DRD2: variants seen among roughly 807,000 people sequenced by gnomAD.
DRD2 encodes dopamine receptor D2.
Under a neutral mutation model 38.0 loss-of-function variants are expected in DRD2, and 8 were observed. That is an observed-to-expected ratio of 0.21 (90% confidence interval 0.12 to 0.38). The LOEUF (loss-of-function observed/expected upper bound fraction) is 0.38, where lower values mean the gene tolerates loss of function less well. Among genes scored for constraint, DRD2 ranks in the 10% least tolerant of loss-of-function variants. The pLI, the probability that DRD2 is intolerant of heterozygous loss-of-function variation, is 1.00. For missense variants in DRD2, 403 were observed against 607.7 expected, an observed-to-expected ratio of 0.66 and a Z score of 3.54; for synonymous variants, 230 against 238.6, an observed-to-expected ratio of 0.96 and a Z score of 0.33.
rs201424743 is a variant in DRD2 at position 113,424,573 on chromosome 11, C to T, written c.79G>A (p.Gly27Arg). ...TTGTAGTGGGGTCTGTCCGCCTTCC[C>T]GTCTGACCCGTTGAAGGGCCGGCTC... ...NWSRPFNGSD[G>R]KADRPHYNYY... The change falls in exon 2 of 8, where the codon GGG becomes AGG. Residue 27 changes from glycine (G) to arginine (R), a missense_variant. Gly to Arg is a moderately radical substitution (Grantham distance 125, BLOSUM62 -2). Coordinates refer to ENST00000362072, the MANE Select transcript of DRD2 (RefSeq NM_000795.4). 4.6e-5 allele frequency: 74 copies of T among 1,614,090 alleles called. No homozygotes were observed. Among genetic ancestry groups the T allele is most frequent in the Non-Finnish European group, 5.9e-5 (70 of 1,180,040 alleles).
intron 1 of DRD2, among the ~76,000 whole-genome samples, chr11:113,440,880 A>T (rs1366428869): frequency 6.6e-6 from 1 of 152,236 alleles, no homozygotes; most frequent in East Asian, 1.9e-4. Context: ...CCTGGGACAC[A>T]GATGAGCTAA....
rs199514519 is a variant in DRD2 at position 113,410,913 on chromosome 11, G to A, written c.1146C>T (p.Phe382=). 30 of 1,610,306 alleles carry A rather than the reference G, an allele frequency of 1.9e-5. No homozygotes were observed. In the African/African-American group the frequency reaches 3.9e-4, roughly 21 times the overall value. Residue 382 remains phenylalanine, a synonymous_variant, in exon 8 of 8, where the codon TTC becomes TTT. Coordinates refer to ENST00000362072, the MANE Select transcript of DRD2 (RefSeq NM_000795.4). ...TGAAGAAGGGCAGCCAGCAGATGAT[G>A]AACACGCCTGGGGGAGAGGGCATGG... ...TQMLAIVLGV[F]IICWLPFFIT...
intron 1 of DRD2, among the ~76,000 whole-genome samples, chr11:113,455,171 AC>A (rs1364374847): frequency 6.6e-6 from 1 of 151,830 alleles, no homozygotes; most frequent in Non-Finnish European, 1.5e-5. Flanking sequence ...ACATGGTGAG[AC>A]CCCGTCTCTA....
chr11:113,452,485 C>T (rs1360155265), intron 1 of DRD2, among the ~76,000 whole-genome samples: 13 of 124,750 alleles, frequency 1.0e-4, no homozygotes, highest in African/African-American at 1.9e-4. Context: ...CGCGCGCGCG[C>T]GCACATTGGG....
intron 1 of DRD2, among the ~76,000 whole-genome samples, chr11:113,456,504 T>C (rs1423045248): frequency 3.3e-5 from 5 of 152,068 alleles, no homozygotes; most frequent in Non-Finnish European, 7.3e-5. Flanking sequence ...CATACATGTA[T>C]TGAAGCATTA....
intron 1 of DRD2, among the ~76,000 whole-genome samples, chr11:113,461,802 T>C (rs551536893): frequency 2.0e-5 from 3 of 152,326 alleles, no homozygotes; most frequent in African/African-American, 7.2e-5. Context: ...TATGACTATA[T>C]AAAGCACTTA....
chr11:113,417,694 G>C (rs1950840433), intron 3 of DRD2, among the ~76,000 whole-genome samples: 1 of 152,204 alleles, frequency 6.6e-6, no homozygotes, highest in Non-Finnish European at 1.5e-5. Context: ...TGAGAGCTCT[G>C]AAAACGTCCA....
At chr11:113,430,641 G>A (rs973696437) in intron 1 of DRD2, among the ~76,000 whole-genome samples, 3 of 152,162 alleles carry the variant, frequency 2.0e-5, no homozygotes, top group African/African-American at 7.2e-5. Flanking sequence ...CAGATTGTTG[G>A]GCTCCAAGGG....
chr11:113,471,923 G>T (rs1454979396), intron 1 of DRD2, among the ~76,000 whole-genome samples: 1 of 152,186 alleles, frequency 6.6e-6, no homozygotes, highest in African/African-American at 2.4e-5. Context: ...TTAGGTAACT[G>T]TAGCCTGCTG....
chr11:113,413,488 G>T, intron 6 of DRD2: 1 of 408,920 alleles, frequency 2.4e-6, no homozygotes, highest in Non-Finnish European at 5.0e-6. Flanking sequence ...TTCTTCCATA[G>T]GTTCTCTTGT....
At chr11:113,416,124 A>G (rs2138163775) in intron 4 of DRD2, among the ~76,000 whole-genome samples, 1 of 152,302 alleles carries the variant, frequency 6.6e-6, no homozygotes, top group Middle Eastern at 3.4e-3. Context: ...CCTCTATCTC[A>G]GGGCCTTGTG....
intron 1 of DRD2, among the ~76,000 whole-genome samples, chr11:113,451,022 G>A (rs1951205525): frequency 6.6e-6 from 1 of 152,194 alleles, no homozygotes; most frequent in Admixed American, 6.5e-5. Flanking sequence ...GCAATCAATG[G>A]AGATTTAGCT....
At chr11:113,462,851 A>G (rs1951336204) in intron 1 of DRD2, among the ~76,000 whole-genome samples, 1 of 152,244 alleles carries the variant, frequency 6.6e-6, no homozygotes, top group South Asian at 2.1e-4. Flanking sequence ...ATTTATTGGC[A>G]TCCTACTACT....
At chr11:113,420,182 T>C (rs1950872198) in intron 2 of DRD2, among the ~76,000 whole-genome samples, 1 of 152,180 alleles carries the variant, frequency 6.6e-6, no homozygotes, top group African/African-American at 2.4e-5. Context: ...ATCAGGGCCT[T>C]CCTCCCTGTC....
intron 1 of DRD2, among the ~76,000 whole-genome samples, chr11:113,460,366 C>A (rs910095666): frequency 6.6e-6 from 1 of 152,248 alleles, no homozygotes; most frequent in African/African-American, 2.4e-5. Context: ...CTCAGGTGGG[C>A]AGACTTTCCT....
At chr11:113,434,783 C>G (rs74588544) in intron 1 of DRD2, among the ~76,000 whole-genome samples, 131 of 152,256 alleles carry the variant, frequency 8.6e-4, no homozygotes, top group African/African-American at 2.5e-3. Context: ...GCCATCCCCC[C>G]CCATCAGCAC....
chr11:113,454,834 C>CTA (rs1221253326), intron 1 of DRD2, among the ~76,000 whole-genome samples: 1 of 152,124 alleles, frequency 6.6e-6, no homozygotes, highest in East Asian at 1.9e-4. Flanking sequence ...ACCCATGCAT[C>CTA]TATAGTCAAT....
intron 1 of DRD2, among the ~76,000 whole-genome samples, chr11:113,467,746 T>C (rs1348064880): frequency 5.3e-5 from 8 of 152,190 alleles, no homozygotes; most frequent in Non-Finnish European, 1.2e-4. Flanking sequence ...ATCACCAGGA[T>C]AACTTATGCC....
intron 1 of DRD2, among the ~76,000 whole-genome samples, chr11:113,452,482 G>A (rs1425524687): frequency 5.4e-4 from 53 of 97,882 alleles, no homozygotes; most frequent in Admixed American, 3.0e-3. Flanking sequence ...GCGCGCGCGC[G>A]CGCGCACATT....
Sources: gnomAD v4.1 joint callset for allele counts (sites outside exome capture counted in the v4.1 genomes callset) on GRCh38, gnomAD v4.1.1 for gene constraint, MANE v1.5 for transcripts, NCBI Gene and HGNC (gene_info 2026-07-23, HGNC 2026-07-21) for gene names.